PCGF5: variants seen among roughly 807,000 people sequenced by gnomAD.
PCGF5 encodes polycomb group RING finger protein 5.
Under a neutral mutation model 44.3 loss-of-function variants are expected in PCGF5, and 9 were observed. The observed-to-expected ratio is 0.20, with a 90% CI of 0.12 to 0.35. The LOEUF is 0.35. Among genes scored for constraint, PCGF5 ranks in the 10% least tolerant of loss-of-function variants. The pLI, the probability that PCGF5 is intolerant of heterozygous loss-of-function variation, is 1.00. For synonymous variants in PCGF5, 95 were observed against 102.5 expected, an observed-to-expected ratio of 0.93 and a Z score of 0.44; for missense variants, 146 against 305.3, an observed-to-expected ratio of 0.48 and a Z score of 3.89.
chr10:91,175,922 T>C (rs1296912488), intron 1 of PCGF5, among the ~76,000 whole-genome samples: 1 of 152,212 alleles, frequency 6.6e-6, no homozygotes, highest in East Asian at 1.9e-4. Flanking sequence ...TTAAGGTTAA[T>C]ATTGTTATGT....
At position 91,248,574 on chromosome 10, in the gene PCGF5, T is replaced by C; in HGVS notation, c.265+14T>C. The C allele has an allele frequency of 1.2e-6, 2 of 1,611,924 alleles. No individual in the cohort carries two copies. Among genetic ancestry groups the C allele is most frequent in the Non-Finnish European group, 1.7e-6 (2 of 1,178,370 alleles). On this transcript the variant is annotated intron_variant, in intron 4 of 9. Transcript: ENST00000336126. ...GACTACGAGAACGTAAGTGGCTCTTTAGGTTCTTGCAGACTTTTGTGTTTT... is the reference window on the plus strand; with the variant it reads ...GACTACGAGAACGTAAGTGGCTCTTCAGGTTCTTGCAGACTTTTGTGTTTT...
chr10:91,231,058 C>T (rs1844989420), intron 2 of PCGF5, among the ~76,000 whole-genome samples: 1 of 152,190 alleles, frequency 6.6e-6, no homozygotes, highest in African/African-American at 2.4e-5. Flanking sequence ...GCCTAACTTA[C>T]TTTAATTGTC....
intron 2 of PCGF5, chr10:91,227,238 C>CT (rs569022102): frequency 5.4e-3 from 2,033 of 376,230 alleles, no homozygotes; most frequent in South Asian, 6.8e-3. Flanking sequence ...GATGTATGTT[C>CT]TTTTTTTTTT....
intron 5 of PCGF5, among the ~76,000 whole-genome samples, chr10:91,250,339 G>A (rs1020434875): frequency 1.8e-4 from 28 of 151,994 alleles, no homozygotes; most frequent in African/African-American, 6.0e-4. Context: ...TTTTCTACAA[G>A]TAATGTTTAG....
intron 1 of PCGF5, among the ~76,000 whole-genome samples, chr10:91,177,611 G>A (rs746638556): frequency 3.9e-5 from 6 of 152,132 alleles, no homozygotes; most frequent in Non-Finnish European, 7.4e-5. Flanking sequence ...AATGGTGGGC[G>A]CCCGTCCCCC....
chr10:91,252,559 G>A (rs771123715), intron 6 of PCGF5, among the ~76,000 whole-genome samples: 1 of 151,952 alleles, frequency 6.6e-6, no homozygotes. Flanking sequence ...TTTGTTAAGG[G>A]GAATTTATTG....
chr10:91,258,311 C>T (rs1845808418), intron 6 of PCGF5, among the ~76,000 whole-genome samples: 1 of 152,094 alleles, frequency 6.6e-6, no homozygotes, highest in East Asian at 1.9e-4. Flanking sequence ...GGAGATTCTT[C>T]CTAATTTCTT....
intron 8 of PCGF5, among the ~76,000 whole-genome samples, chr10:91,268,000 A>G (rs948933957): frequency 3.3e-5 from 5 of 152,170 alleles, no homozygotes. Flanking sequence ...ATTTATTTCA[A>G]ATTGTTTTTA....
intron 2 of PCGF5, among the ~76,000 whole-genome samples, chr10:91,231,845 TA>T (rs1333654803): frequency 6.6e-6 from 1 of 152,186 alleles, no homozygotes; most frequent in East Asian, 1.9e-4. Context: ...AAGGTGGTGG[TA>T]AAAAGTGATC....
chr10:91,251,263 G>A, intron 5 of PCGF5, 29 bp from the exon 6 acceptor site: 10 of 1,555,262 alleles, frequency 6.4e-6, no homozygotes, highest in Non-Finnish European at 8.8e-6. Flanking sequence ...TTGATTTATA[G>A]CTAACTTAGT....
intron 1 of PCGF5, among the ~76,000 whole-genome samples, chr10:91,207,567 A>T (rs932200863): frequency 1.1e-4 from 16 of 152,212 alleles, no homozygotes; most frequent in African/African-American, 3.4e-4. Context: ...TGGCATTGTT[A>T]TAATAGTATC....
intron 3 of PCGF5, among the ~76,000 whole-genome samples, chr10:91,242,346 A>G (rs1044502686): frequency 6.6e-6 from 1 of 151,874 alleles, no homozygotes; most frequent in Admixed American, 6.6e-5. Context: ...AAAATAAAAA[A>G]CTGTTAATAT....
At chr10:91,253,658 A>C (rs1845676211) in intron 6 of PCGF5, among the ~76,000 whole-genome samples, 1 of 151,966 alleles carries the variant, frequency 6.6e-6, no homozygotes, top group Non-Finnish European at 1.5e-5. Flanking sequence ...GTCCTGCAAA[A>C]TTCCCCCAGT....
rs1412436980 is a variant in PCGF5, at chr10:91,284,159, A to G, written c.*5843A>G. ...GTTCTGTACAAAGCTGTATAATTGT[A>G]CTGTTGGGCTAGATACTTTTTTTTT... On this transcript the variant is annotated 3_prime_UTR_variant, in exon 10 of 10. Transcript: ENST00000336126. The G allele has an allele frequency of 6.6e-6, 1 of 151,310 alleles. No homozygotes were observed. The highest frequency in any genetic ancestry group is 1.5e-5 in the Non-Finnish European group (1 of 67,754). The allele number at this position is 151,310 out of a possible 1,614,324, so 9.4% of individuals were successfully genotyped here.
intron 8 of PCGF5, among the ~76,000 whole-genome samples, chr10:91,270,777 A>T (rs984220203): frequency 1.4e-4 from 22 of 152,150 alleles, no homozygotes; most frequent in Non-Finnish European, 3.1e-4. Context: ...TTATGTATTT[A>T]ATTTTTTCCA....
At chr10:91,271,147 G>A (rs779813419) in intron 8 of PCGF5, among the ~76,000 whole-genome samples, 10 of 133,028 alleles carry the variant, frequency 7.5e-5, no homozygotes, top group Non-Finnish European at 1.4e-4. Flanking sequence ...GCAATATAAA[G>A]CAACATAAAG....
At chr10:91,193,402 G>A (rs1411558855) in intron 1 of PCGF5, among the ~76,000 whole-genome samples, 1 of 141,736 alleles carries the variant, frequency 7.1e-6, no homozygotes. Context: ...TTCATTAGTG[G>A]TAATTTGTCA....
chr10:91,260,100 A>T (rs1367961344), intron 6 of PCGF5, among the ~76,000 whole-genome samples: 1 of 128,954 alleles, frequency 7.8e-6, no homozygotes, highest in Non-Finnish European at 1.6e-5. Context: ...ATCTGCAATG[A>T]ACTCCAACAA....
At chr10:91,198,052 G>T (rs1414186625) in intron 1 of PCGF5, among the ~76,000 whole-genome samples, 1 of 152,158 alleles carries the variant, frequency 6.6e-6, no homozygotes. Context: ...CATTCTAATG[G>T]GTAGAGATAA....
Sources: allele counts gnomAD v4.1 joint callset (sites outside exome capture counted in the v4.1 genomes callset), GRCh38; gene constraint gnomAD v4.1.1; transcripts MANE v1.5; gene names NCBI Gene and HGNC (gene_info 2026-07-23, HGNC 2026-07-21).